The following WDR43 variants were observed in gnomAD, a reference collection of about 807,000 sequenced individuals.
WDR43 encodes the protein WD repeat domain 43, also known as WD repeat-containing protein 43.
WDR43 carries 13 observed loss-of-function variants against 91.4 expected under a neutral mutation model. The observed-to-expected ratio is 0.14, with a 90% CI of 0.09 to 0.23. The LOEUF (loss-of-function observed/expected upper bound fraction) is 0.23, where lower values mean the gene tolerates loss of function less well. Among genes scored for constraint, WDR43 ranks in the 10% least tolerant of loss-of-function variants. The pLI is 1.00. For synonymous variants in WDR43, 331 were observed against 287.9 expected (o/e 1.15, Z -1.51); for missense variants, 780 against 809.4 (o/e 0.96, Z 0.44).
At chr2:28,942,870 G>C (rs1273550626) in intron 16 of WDR43, among the ~76,000 whole-genome samples, 1 of 151,878 alleles carries the variant, frequency 6.6e-6, no homozygotes, top group African/African-American at 2.4e-5. Flanking sequence ...CAATGTGCTT[G>C]GATTACAGGT....
At chr2:28,912,735 G>A in intron 4 of WDR43, 25 bp downstream of exon 4, 1 of 1,609,810 alleles carries the variant, frequency 6.2e-7, no homozygotes, top group Non-Finnish European at 8.5e-7. Flanking sequence ...TTATTTGTAA[G>A]CATAAAAATT....
At chr2:28,927,482 C>A in intron 9 of WDR43, 87 bp from the exon 10 acceptor site, 1 of 1,452,354 alleles carries the variant, frequency 6.9e-7, no homozygotes, top group South Asian at 1.4e-5. Flanking sequence ...AATAGAGGAG[C>A]CCTTTAAAAG....
At chr2:28,927,775 A>G (rs1671170349) in intron 10 of WDR43, 75 bp downstream of exon 10, 3 of 1,580,354 alleles carry the variant, frequency 1.9e-6, no homozygotes, top group East Asian at 2.3e-5. Flanking sequence ...AGTGTGTTGG[A>G]TAGAGCCAAA....
intron 6 of WDR43, among the ~76,000 whole-genome samples, chr2:28,921,693 A>T (rs1322315909): frequency 6.6e-6 from 1 of 152,136 alleles, no homozygotes; most frequent in East Asian, 1.9e-4. Context: ...TGGCGGAGAA[A>T]TGATCTCTTC....
rs1461050289 is a variant in WDR43, at chr2:28,912,662, T to C, written c.558T>C (p.Ala186=). Residue 186 remains alanine (A), a synonymous_variant, in exon 4 of 18, where the codon GCT becomes GCC. Transcript: ENST00000407426. ...ISPDGKMLLS[A]GRTIKLWVLE... The stretch of plus-strand genomic sequence containing the variant: ...CAGATGGAAAGATGTTGCTTTCAGC[T>C]GGTCGAACAATCAAACTATGGGTTT... 2 of 1,614,028 alleles carry C rather than the reference T, an allele frequency of 1.2e-6. No homozygotes were observed. The highest frequency in any genetic ancestry group is 3.3e-5 in the Admixed American group (2 of 60,020).
At chr2:28,906,398 G>A (rs1670679294) in intron 2 of WDR43, 62 bp from the exon 3 acceptor site, 1 of 1,470,632 alleles carries the variant, frequency 6.8e-7, no homozygotes, top group African/African-American at 1.4e-5. Context: ...GAGGAAGGAG[G>A]ATCATTTGAG....
In WDR43 at chr2:28,926,507, G is replaced by A; in HGVS notation, c.1126G>A (p.Asp376Asn). 6.3e-7 allele frequency: 1 copy of A among 1,599,864 alleles called. No individual in the cohort carries two copies. The highest frequency in any genetic ancestry group is 8.5e-7 in the Non-Finnish European group (1 of 1,172,490). Reference protein sequence around the residue: ...SREPHMCLVRDISNCWAPKVE... With the variant: ...SREPHMCLVRNISNCWAPKVE... Reference sequence around the variant, plus strand: ...AGAACCTCATATGTGTTTAGTAAGAGATATTTCAAACTGCTGGGCCCCCAA... The same window carrying A: ...AGAACCTCATATGTGTTTAGTAAGAAATATTTCAAACTGCTGGGCCCCCAA... The change falls in exon 9 of 18, where the codon GAT becomes AAT. Residue 376 changes from aspartate to asparagine, a missense_variant. By Grantham distance (23) the Asp-to-Asn change is conservative. Coordinates refer to ENST00000407426, the MANE Select transcript of WDR43 (RefSeq NM_015131.3).
chr2:28,903,814 T>G (rs961322956), intron 2 of WDR43, among the ~76,000 whole-genome samples: 1 of 151,778 alleles, frequency 6.6e-6, no homozygotes, highest in Non-Finnish European at 1.5e-5. Context: ...GAAGACTTAT[T>G]TTTTTTTAAA....
chr2:28,905,264 G>C (rs1202530605), intron 2 of WDR43, among the ~76,000 whole-genome samples: 1 of 152,226 alleles, frequency 6.6e-6, no homozygotes, highest in Admixed American at 6.5e-5. Flanking sequence ...TGAAATGCTT[G>C]CAGTGTGGGT....
intron 1 of WDR43, among the ~76,000 whole-genome samples, chr2:28,896,860 T>G (rs1670490177): frequency 6.6e-6 from 1 of 152,212 alleles, no homozygotes; most frequent in Non-Finnish European, 1.5e-5. Flanking sequence ...AAACGAGAGT[T>G]GAGCTACATT....
At position 28,902,112 on chromosome 2, in the gene WDR43, C is replaced by A; in HGVS notation, c.351C>A (p.His117Gln). ...ACAGCACAGTAAAAGGAGAGTTACA[C>A]AGTAAATTAATAGTAAGTGTGTGTA... ...LLYSTVKGELHSKLISGGHDN... is the reference protein window; with the variant it reads ...LLYSTVKGELQSKLISGGHDN... The change falls in exon 2 of 18, where the codon CAC becomes CAA. Residue 117 changes from histidine to glutamine, a missense_variant. By Grantham distance (24) the His-to-Gln change is conservative (BLOSUM62 0). Transcript: ENST00000407426. 1 of 1,568,140 alleles carries A rather than the reference C, an allele frequency of 6.4e-7. No individual in the cohort carries two copies. Among genetic ancestry groups the A allele is most frequent in the Admixed American group, 1.9e-5 (1 of 51,414 alleles).
chr2:28,918,478 C>G (rs769143561), intron 6 of WDR43, among the ~76,000 whole-genome samples: 6 of 152,148 alleles, frequency 3.9e-5, no homozygotes, highest in Non-Finnish European at 8.8e-5. Context: ...AAGCAACTCT[C>G]CTGCCTCAGC....
intron 6 of WDR43, among the ~76,000 whole-genome samples, chr2:28,920,326 A>G (rs1671000799): frequency 6.8e-6 from 1 of 147,680 alleles, no homozygotes; most frequent in Non-Finnish European, 1.5e-5. Context: ...CCCAGGTTCA[A>G]ATGATCCTTC....
chr2:28,896,719 A>T (rs67073037), intron 1 of WDR43, among the ~76,000 whole-genome samples: 39,237 of 152,078 alleles, frequency 0.26, 6,277 homozygotes, highest in East Asian at 0.77. Context: ...TCATATTAAA[A>T]GTCATAGTTT....
chr2:28,905,235 T>A (rs1326309324), intron 2 of WDR43, among the ~76,000 whole-genome samples: 1 of 152,196 alleles, frequency 6.6e-6, no homozygotes, highest in Non-Finnish European at 1.5e-5. Flanking sequence ...TGGATAAATG[T>A]GACTTCAGGT....
chr2:28,916,880 G>A (rs1670920569), intron 5 of WDR43, among the ~76,000 whole-genome samples: 1 of 151,920 alleles, frequency 6.6e-6, no homozygotes, highest in South Asian at 2.1e-4. Context: ...CTTGTTTTAT[G>A]TTTGTTTCTA....
At chr2:28,927,471 C>G (rs1357914466) in intron 9 of WDR43, 98 bp from the exon 10 acceptor site, 1 of 1,382,102 alleles carries the variant, frequency 7.2e-7, no homozygotes, top group Non-Finnish European at 9.7e-7. Context: ...TGCATTTTTC[C>G]AATAGAGGAG....
intron 5 of WDR43, among the ~76,000 whole-genome samples, chr2:28,915,294 ATT>A (rs1165840759): frequency 6.6e-6 from 1 of 152,166 alleles, no homozygotes; most frequent in African/African-American, 2.4e-5. Flanking sequence ...TTCGTGTTTG[ATT>A]TTTGAGAAGA....
chr2:28,929,792 G>A, intron 11 of WDR43, 82 bp downstream of exon 11: 3 of 1,400,354 alleles, frequency 2.1e-6, no homozygotes, highest in South Asian at 1.3e-5. Flanking sequence ...TCACAGCTGT[G>A]AGCCATCATG....
Sources: gnomAD v4.1 joint callset for allele counts (sites outside exome capture counted in the v4.1 genomes callset) on GRCh38, gnomAD v4.1.1 for gene constraint, MANE v1.5 for transcripts, NCBI Gene and HGNC (gene_info 2026-07-23, HGNC 2026-07-21) for gene names.